The following ATL3 variants were observed in gnomAD, a reference collection of about 807,000 sequenced individuals.
ATL3 encodes the protein atlastin-3.
A neutral mutation model predicts 69.5 loss-of-function variants in ATL3; 49 were observed. That is an observed-to-expected ratio of 0.71 (90% CI 0.56 to 0.89). ATL3 has a LOEUF of 0.89. Among genes scored for constraint, ATL3 ranks in the 40% least tolerant of loss-of-function variants. The probability of loss-of-function intolerance (pLI) is 0.00; values close to 1 mark genes in which losing one functional copy is unlikely to be tolerated. For synonymous variants in ATL3, 214 were observed against 224.1 expected (o/e 0.95, Z 0.40); for missense variants, 606 against 645.7 (o/e 0.94, Z 0.67).
chr11:63,629,025 A>G lies in ATL3; in HGVS notation c.*294T>C. 3.0e-6 allele frequency: 1 copy of G among 335,768 alleles called. No individual in the cohort carries two copies. Among genetic ancestry groups the G allele is most frequent in the Non-Finnish European group, 5.5e-6 (1 of 183,450 alleles). 20.8% of individuals were successfully genotyped at this position (335,768 alleles called of 1,614,324 possible). A position where few individuals can be genotyped will look rare whatever the true frequency, so the allele number is the denominator to read the frequency against. On this transcript the variant is annotated 3_prime_UTR_variant, in exon 13 of 13. Transcript: ENST00000398868. Reference sequence around the variant, plus strand: ...TAAAGAACTTAAAAGCTGCATTTCCATTTTTCCTCTAGCTTCCTCCTCCAT... The same window carrying G: ...TAAAGAACTTAAAAGCTGCATTTCCGTTTTTCCTCTAGCTTCCTCCTCCAT...
intron 3 of ATL3, among the ~76,000 whole-genome samples, chr11:63,657,588 A>T (rs1255115424): frequency 1.3e-5 from 2 of 152,246 alleles, no homozygotes; most frequent in Non-Finnish European, 2.9e-5. Context: ...GGTAGAGAGG[A>T]GAATAACACA....
chr11:63,667,478 T>G (rs1940610191), intron 1 of ATL3, among the ~76,000 whole-genome samples: 1 of 151,992 alleles, frequency 6.6e-6, no homozygotes, highest in South Asian at 2.1e-4. Context: ...TCCTGAGAAG[T>G]GGGCCGGGTG....
At chr11:63,645,910 GGCA>G (rs1273821122) in intron 6 of ATL3, among the ~76,000 whole-genome samples, 1 of 151,932 alleles carries the variant, frequency 6.6e-6, no homozygotes, top group Non-Finnish European at 1.5e-5. Flanking sequence ...TAAGATTACA[GGCA>G]CCCACCACCA....
chr11:63,645,325 G>A (rs1939834693), intron 6 of ATL3, among the ~76,000 whole-genome samples: 1 of 151,654 alleles, frequency 6.6e-6, no homozygotes, highest in Admixed American at 6.6e-5. Context: ...AACCTGGGAG[G>A]CAGAGGTTGC....
chr11:63,671,661 C>T (rs552900624), upstream of ATL3: 6 of 1,383,746 alleles, frequency 4.3e-6, no homozygotes, highest in African/African-American at 3.0e-5. Flanking sequence ...TGAGTGCTAC[C>T]GTCCTTTGGG....
intron 6 of ATL3, among the ~76,000 whole-genome samples, chr11:63,645,361 C>T (rs1939835797): frequency 6.6e-6 from 1 of 151,704 alleles, no homozygotes; most frequent in Non-Finnish European, 1.5e-5. Context: ...TGCTACTGCA[C>T]TCCAGCCTGG....
Position 63,652,468 on chromosome 11 carries a change from T to C in ATL3, c.510+3A>G, listed in dbSNP as rs1222798742. 1 of 1,541,396 alleles carries C rather than the reference T, an allele frequency of 6.5e-7. No individual in the cohort carries two copies. Among genetic ancestry groups the C allele is most frequent in the Non-Finnish European group, 8.8e-7 (1 of 1,141,408 alleles). On this transcript the variant is annotated splice_donor_region_variant and intron_variant, in intron 4 of 12. Transcript: ENST00000398868. ...GCTTTTTTCTGAGTCAAGTGGTTTT[T>C]ACCTGAACAGAACTAGTCATAGTGC...
chr11:63,631,418 G>A lies in ATL3; in HGVS notation c.1161C>T (p.His387=). ...CCAGAGCAAGTTGTTTGAATTCACA[G>A]TGCTTCTCCTCTAGAATGTCTGGAG... ...YLSPDILEEK[H]CEFKQLALDH... The change falls in exon 12 of 13, where the codon CAC becomes CAT. Residue 387 remains histidine (H), a synonymous_variant. Coordinates refer to ENST00000398868, the MANE Select transcript of ATL3 (RefSeq NM_015459.5). 1 of 1,614,094 alleles carries A rather than the reference G, an allele frequency of 6.2e-7. No homozygotes were observed. The highest frequency in any genetic ancestry group is 8.5e-7 in the Non-Finnish European group (1 of 1,180,018).
intron 5 of ATL3, among the ~76,000 whole-genome samples, chr11:63,647,209 T>G (rs1302564163): frequency 6.6e-6 from 1 of 152,204 alleles, no homozygotes; most frequent in Non-Finnish European, 1.5e-5. Flanking sequence ...AAAAATTTTT[T>G]TTTTTGAGAC....
At chr11:63,669,915 T>C (rs2134551530) in intron 1 of ATL3, among the ~76,000 whole-genome samples, 1 of 151,920 alleles carries the variant, frequency 6.6e-6, no homozygotes, top group South Asian at 2.1e-4. Context: ...GCCACTGTAC[T>C]CCAGTTTAGG....
chr11:63,633,627 G>A (rs924046940), intron 10 of ATL3, among the ~76,000 whole-genome samples: 16 of 149,546 alleles, frequency 1.1e-4, no homozygotes, highest in Admixed American at 8.8e-4. Context: ...CAAGTGATCT[G>A]CCCACCTCAG....
At chr11:63,670,668 T>C (rs544496947) in intron 1 of ATL3, among the ~76,000 whole-genome samples, 1 of 152,344 alleles carries the variant, frequency 6.6e-6, no homozygotes, top group East Asian at 1.9e-4. Context: ...GAAAAACCAA[T>C]TTAGACCAAT....
Position 63,636,239 on chromosome 11 carries a change from C to T in ATL3, c.946G>A (p.Val316Ile). ...TACTCCAGTAGTCCCCGACAGGTGA[C>T]CTTTGAGCCATTGATCTCCTTTTCC... ...LMEKEINGSK[V>I]TCRGLLEYFK... Residue 316 changes from valine (V) to isoleucine (I), a missense_variant, in exon 9 of 13, where the codon GTC (valine) becomes ATC (isoleucine). Physicochemically the swap from Val to Ile is conservative, Grantham distance 29. Transcript: ENST00000398868. 6.2e-7 allele frequency: 1 copy of T among 1,614,120 alleles called. No individual in the cohort carries two copies. Among genetic ancestry groups the T allele is most frequent in the Non-Finnish European group, 8.5e-7 (1 of 1,180,020 alleles).
At chr11:63,669,372 T>C (rs963037074) in intron 1 of ATL3, among the ~76,000 whole-genome samples, 3 of 151,292 alleles carry the variant, frequency 2.0e-5, no homozygotes, top group African/African-American at 7.3e-5. Flanking sequence ...CCGTCTCTAC[T>C]AAAAATACAA....
chr11:63,668,612 A>G (rs1369916148), intron 1 of ATL3, among the ~76,000 whole-genome samples: 1 of 152,156 alleles, frequency 6.6e-6, no homozygotes, highest in Non-Finnish European at 1.5e-5. Context: ...AAAATTATCT[A>G]TGACTAAATG....
chr11:63,643,272 T>C (rs1454142199), intron 8 of ATL3, 85 bp downstream of exon 8: 3 of 1,402,594 alleles, frequency 2.1e-6, no homozygotes, highest in East Asian at 4.7e-5. Flanking sequence ...CCATTTTTCT[T>C]AAGCATTCAC....
In ATL3 at chr11:63,652,101, G is replaced by A. The variant is rs143027971; in HGVS notation, c.511-115C>T. The A allele has an allele frequency of 4.7e-5, 69 of 1,467,522 alleles. 1 individual carries two copies. In the East Asian group the frequency reaches 1.8e-3, roughly 37 times the overall value. 90.9% of individuals were successfully genotyped at this position (1,467,522 alleles called of 1,614,324 possible). ...ATTAAAGACTTGCATATAAGAACAT[G>A]AGGCCTGTTCAAACAGCAATATGAT... On this transcript the variant is annotated intron_variant, in intron 4 of 12. Transcript: ENST00000398868.
At chr11:63,652,628 C>T (rs938827647) in intron 3 of ATL3, 53 bp from the exon 4 acceptor site, 10 of 1,355,114 alleles carry the variant, frequency 7.4e-6, no homozygotes, top group African/African-American at 7.3e-5. Context: ...AGGAGGAAAC[C>T]GTAAAGGAGA....
At chr11:63,656,731 C>CAAAAAAAA (rs34700325) in intron 3 of ATL3, among the ~76,000 whole-genome samples, 2 of 103,192 alleles carry the variant, frequency 1.9e-5, no homozygotes, top group African/African-American at 3.5e-5. Context: ...GACTCCCTCT[C>CAAAAAAAA]AAAAAAAAAA....
Sources: allele counts gnomAD v4.1 joint callset (sites outside exome capture counted in the v4.1 genomes callset), GRCh38; gene constraint gnomAD v4.1.1; transcripts MANE v1.5; gene names NCBI Gene and HGNC (gene_info 2026-07-23, HGNC 2026-07-21).